Variants in KLF3 observed in about 807,000 individuals in gnomAD.
KLF3 encodes the protein KLF transcription factor 3.
KLF3 carries 6 observed loss-of-function variants against 32.7 expected under a neutral mutation model. The observed-to-expected ratio is 0.18, with a 90% CI of 0.10 to 0.36. The LOEUF (loss-of-function observed/expected upper bound fraction) is 0.36, where lower values mean the gene tolerates loss of function less well. Ranked by LOEUF, KLF3 falls within the 10% of genes least tolerant of loss-of-function variation. The pLI is 1.00. For synonymous variants in KLF3, 145 were observed against 172.8 expected (o/e 0.84, Z 1.26); for missense variants, 338 against 449.7 (o/e 0.75, Z 2.25).
intron 1 of KLF3, among the ~76,000 whole-genome samples, chr4:38,680,038 A>G (rs1053890517): frequency 7.2e-5 from 11 of 152,194 alleles, no homozygotes; most frequent in African/African-American, 2.4e-4. Flanking sequence ...GGGTTTCTGT[A>G]TTGAGTTAGA....
At chr4:38,685,267 C>A (rs370910358) in intron 2 of KLF3, among the ~76,000 whole-genome samples, 1 of 152,170 alleles carries the variant, frequency 6.6e-6, no homozygotes, top group African/African-American at 2.4e-5. Context: ...GCTTGAGGGA[C>A]CACATGTCTT....
intron 1 of KLF3, among the ~76,000 whole-genome samples, chr4:38,675,553 T>A (rs962230649): frequency 1.3e-5 from 2 of 152,082 alleles, no homozygotes; most frequent in Non-Finnish European, 2.9e-5. Flanking sequence ...CAGAAAAAAA[T>A]AGAACCACAT....
At chr4:38,667,728 T>A (rs932885040) in intron 1 of KLF3, among the ~76,000 whole-genome samples, 2 of 152,218 alleles carry the variant, frequency 1.3e-5, no homozygotes, top group African/African-American at 4.8e-5. Flanking sequence ...CCTTACAGTT[T>A]AGAAGACCTA....
intron 2 of KLF3, among the ~76,000 whole-genome samples, chr4:38,684,387 G>A (rs1484500978): frequency 4.6e-5 from 7 of 152,086 alleles, no homozygotes; most frequent in Non-Finnish European, 4.4e-5. Context: ...CCTATTGCAG[G>A]CCCTCATCAC....
At chr4:38,667,423 T>C (rs1673559208) in intron 1 of KLF3, among the ~76,000 whole-genome samples, 1 of 152,224 alleles carries the variant, frequency 6.6e-6, no homozygotes, top group Non-Finnish European at 1.5e-5. Flanking sequence ...TTATCATGTC[T>C]CTACACACTT....
At chr4:38,694,128 T>A (rs920324458) in intron 4 of KLF3, among the ~76,000 whole-genome samples, 3 of 152,192 alleles carry the variant, frequency 2.0e-5, no homozygotes, top group Non-Finnish European at 1.5e-5. Flanking sequence ...TTTTGTTGTT[T>A]TTTGGAAGAG....
Position 38,664,411 on chromosome 4 carries a change from T to C in KLF3, c.-90T>C, listed in dbSNP as rs1721924699. The C allele has an allele frequency of 6.6e-6, 1 of 152,004 alleles. No individual in the cohort carries two copies. Among genetic ancestry groups the C allele is most frequent in the Non-Finnish European group, 1.5e-5 (1 of 67,996 alleles). 9.4% of individuals were successfully genotyped at this position (152,004 alleles called of 1,614,324 possible). On this transcript the variant is annotated 5_prime_UTR_variant, in exon 1 of 6. Transcript: ENST00000261438. ...CGCTCGGGGGGCTCCAGGCAGCCCG[T>C]ATCGGGGCCTTTATTTCTCGTCGGC... is the stretch of plus-strand genomic sequence containing the variant.
At chr4:38,685,233 G>A (rs1394566572) in intron 2 of KLF3, among the ~76,000 whole-genome samples, 1 of 152,186 alleles carries the variant, frequency 6.6e-6, no homozygotes, top group Non-Finnish European at 1.5e-5. Context: ...AAGCTTGTGT[G>A]TGCCACCCAA....
chr4:38,691,837 C>G (rs1172570024), intron 4 of KLF3, among the ~76,000 whole-genome samples: 1 of 152,154 alleles, frequency 6.6e-6, no homozygotes, highest in Admixed American at 6.5e-5. Flanking sequence ...TAGCAGCCCA[C>G]GTAGGAAACC....
intron 1 of KLF3, among the ~76,000 whole-genome samples, chr4:38,676,962 T>G (rs1314514333): frequency 2.7e-5 from 4 of 150,256 alleles, no homozygotes; most frequent in Admixed American, 6.6e-5. Context: ...GTGTGTTTTT[T>G]TTTTTTTTTT....
chr4:38,664,572 G>C (rs1046334069), intron 1 of KLF3, 111 bp downstream of exon 1: 1 of 152,040 alleles, frequency 6.6e-6, no homozygotes, highest in African/African-American at 2.4e-5. Flanking sequence ...GAATGGGTCG[G>C]GGGTGCAGCG....
chr4:38,681,095 C>A, intron 2 of KLF3: 1 of 169,698 alleles, frequency 5.9e-6, no homozygotes, highest in East Asian at 1.6e-4. Flanking sequence ...GCTTGACAGG[C>A]ATTTCATAGG....
At chr4:38,670,017 T>C (rs912387771) in intron 1 of KLF3, among the ~76,000 whole-genome samples, 1 of 152,172 alleles carries the variant, frequency 6.6e-6, no homozygotes, top group African/African-American at 2.4e-5. Flanking sequence ...CTGTGCATTT[T>C]GTATCCGTTG....
intron 1 of KLF3, among the ~76,000 whole-genome samples, chr4:38,668,568 G>A (rs762105644): frequency 1.3e-5 from 2 of 152,184 alleles, no homozygotes; most frequent in Non-Finnish European, 2.9e-5. Context: ...AAAGCTGGGA[G>A]TTTTAGAAGT....
rs759143242 is a variant in KLF3 at position 38,697,483 on chromosome 4, CT to C, written c.*234del. On this transcript the variant is annotated 3_prime_UTR_variant, in exon 6 of 6. Transcript: ENST00000261438. ...GGGTCAGACCTAAAGAATGTGAACA[CT>C]TTTTTTTTTTTTTCTGGGGATGCTA... 21,892 of 338,618 alleles carry C rather than the reference CT, an allele frequency of 0.065. 5 individuals are homozygous for C. Among genetic ancestry groups the C allele is most frequent in the East Asian group, 0.083 (1,847 of 22,248 alleles). The allele number at this position is 338,618 out of a possible 1,614,324, so 21.0% of individuals were successfully genotyped here.
In KLF3 at chr4:38,664,267, CG is replaced by C. The variant is rs1560410587; in HGVS notation, c.-232del. The C allele has an allele frequency of 6.6e-6, 1 of 151,902 alleles. No homozygotes were observed. The highest frequency in any genetic ancestry group is 1.5e-5 in the Non-Finnish European group (1 of 68,000). 9.4% of individuals were successfully genotyped at this position (151,902 alleles called of 1,614,324 possible). On this transcript the variant is annotated 5_prime_UTR_variant, in exon 1 of 6. Transcript: ENST00000261438. ...CCAGGAGCCAGAGGGGAGCCAGGAG[CG>C]GAGCCGCGCGGAGCCGGGGCCCGAG...
At chr4:38,687,227 C>T (rs1365150654) in intron 2 of KLF3, among the ~76,000 whole-genome samples, 1 of 152,170 alleles carries the variant, frequency 6.6e-6, no homozygotes, top group Non-Finnish European at 1.5e-5. Flanking sequence ...CATTCAAGTA[C>T]AAAGAATTTT....
In KLF3 at chr4:38,680,701, A is replaced by G; in HGVS notation, c.57+19A>G. On this transcript the variant is annotated intron_variant, in intron 2 of 5. Coordinates refer to ENST00000261438, the MANE Select transcript of KLF3 (RefSeq NM_016531.6). Reference sequence around the variant, plus strand: ...CTCAGTGGTAAGTTTTCCAAGATTGAACACCTCGCCTTATTTTTTCCAAGT... The same window carrying G: ...CTCAGTGGTAAGTTTTCCAAGATTGGACACCTCGCCTTATTTTTTCCAAGT... 6.3e-7 allele frequency: 1 copy of G among 1,583,686 alleles called. No individual in the cohort carries two copies. The highest frequency in any genetic ancestry group is 8.7e-7 in the Non-Finnish European group (1 of 1,152,380).
intron 3 of KLF3, 150 bp downstream of exon 3, chr4:38,689,221 C>G (rs901205149): frequency 7.1e-6 from 7 of 987,780 alleles, no homozygotes; most frequent in Middle Eastern, 3.0e-4. Context: ...CCCCCGCCCC[C>G]CCAAAGTGTT....
Sources: gnomAD v4.1 joint callset for allele counts (sites outside exome capture counted in the v4.1 genomes callset) on GRCh38, gnomAD v4.1.1 for gene constraint, MANE v1.5 for transcripts, NCBI Gene and HGNC (gene_info 2026-07-23, HGNC 2026-07-21) for gene names.